PACRG: variants seen among roughly 807,000 people sequenced by gnomAD.
The protein encoded by PACRG is parkin coregulated gene protein.
PACRG carries 29 observed loss-of-function variants against 29.7 expected under a neutral mutation model. The ratio of observed to expected loss-of-function variants is 0.98; its 90% CI spans 0.73 to 1.33. The LOEUF is 1.33. PACRG is among the 40% of genes most tolerant of loss of function. The pLI, the probability that PACRG is intolerant of heterozygous loss-of-function variation, is 0.00. For synonymous variants in PACRG, 116 were observed against 118.7 expected (o/e 0.98, Z 0.15); for missense variants, 279 against 316.2 (o/e 0.88, Z 0.89).
At chr6:162,728,440 C>A (rs767340705) in intron 1 of PACRG, 49 bp downstream of exon 1, 11 of 1,590,154 alleles carry the variant, frequency 6.9e-6, no homozygotes, top group Non-Finnish European at 9.4e-6. Flanking sequence ...TCAGGGGACA[C>A]GAGATTTACA....
intron 2 of PACRG, among the ~76,000 whole-genome samples, chr6:163,032,670 A>T (rs762524309): frequency 6.6e-6 from 1 of 152,222 alleles, no homozygotes; most frequent in Non-Finnish European, 1.5e-5. Context: ...CCCAAAGAAA[A>T]CCAATCATTT....
At chr6:163,246,866 T>C (rs997672417) in intron 4 of PACRG, among the ~76,000 whole-genome samples, 1 of 152,180 alleles carries the variant, frequency 6.6e-6, no homozygotes, top group African/African-American at 2.4e-5. Flanking sequence ...AACATTATCA[T>C]GAGAAAGTAG....
intron 1 of PACRG, among the ~76,000 whole-genome samples, chr6:162,803,828 A>G (rs1786085423): frequency 6.6e-6 from 1 of 152,174 alleles, no homozygotes; most frequent in South Asian, 2.1e-4. Flanking sequence ...AATATTATCA[A>G]GATCATAAAA....
At chr6:163,108,663 A>G (rs1310354258) in intron 4 of PACRG, among the ~76,000 whole-genome samples, 1 of 152,144 alleles carries the variant, frequency 6.6e-6, no homozygotes, top group African/African-American at 2.4e-5. Context: ...TGCTGGGATT[A>G]TAGGCGTGAG....
intron 1 of PACRG, among the ~76,000 whole-genome samples, chr6:162,748,407 C>T (rs1424448634): frequency 6.6e-6 from 1 of 152,110 alleles, no homozygotes; most frequent in Non-Finnish European, 1.5e-5. Flanking sequence ...GCATGAGAAT[C>T]GCTTGAACCC....
At chr6:163,246,724 T>C in intron 4 of PACRG, among the ~76,000 whole-genome samples, 1 of 152,192 alleles carries the variant, frequency 6.6e-6, no homozygotes, top group East Asian at 1.9e-4. Flanking sequence ...TTTACACATA[T>C]TTATTTTTTC....
intron 2 of PACRG, among the ~76,000 whole-genome samples, chr6:162,982,364 G>A (rs1802510241): frequency 6.6e-6 from 1 of 151,614 alleles, no homozygotes; most frequent in Admixed American, 6.6e-5. Flanking sequence ...TTTTGTGTTT[G>A]TTTCTCTAGT....
chr6:162,955,965 ATGG>A (rs1296818408), intron 2 of PACRG, among the ~76,000 whole-genome samples: 12 of 152,014 alleles, frequency 7.9e-5, no homozygotes, highest in African/African-American at 2.7e-4. Flanking sequence ...GCCTGGCGAC[ATGG>A]TGGTGGTGGG....
chr6:163,292,573 G>T (rs372182663), intron 4 of PACRG, among the ~76,000 whole-genome samples: 14 of 59,732 alleles, frequency 2.3e-4, no homozygotes, highest in African/African-American at 8.2e-4. Context: ...GCTAATTTAT[G>T]TATTATTTAT....
intron 3 of PACRG, among the ~76,000 whole-genome samples, chr6:163,083,003 G>A (rs1192503999): frequency 1.3e-5 from 2 of 152,134 alleles, no homozygotes; most frequent in Non-Finnish European, 2.9e-5. Flanking sequence ...AAACTGCTCT[G>A]TAGAAAGGTT....
chr6:162,858,029 A>G (rs1466171215), intron 2 of PACRG, among the ~76,000 whole-genome samples: 1 of 152,210 alleles, frequency 6.6e-6, no homozygotes, highest in Admixed American at 6.5e-5. Flanking sequence ...TAGAAGCCAT[A>G]TTGGTATCAT....
At chr6:162,727,300 G>A, upstream of PACRG, 1 of 342,214 alleles carries the variant, frequency 2.9e-6, no homozygotes, top group Non-Finnish European at 5.3e-6. Context: ...AAGGTGAGGG[G>A]CGGCGGCGGG....
intron 4 of PACRG, among the ~76,000 whole-genome samples, chr6:163,298,528 C>T (rs1174628326): frequency 6.6e-6 from 1 of 152,172 alleles, no homozygotes; most frequent in East Asian, 1.9e-4. Context: ...GAAGCAGTAA[C>T]CTCACTTTTG....
chr6:163,005,600 G>C (rs576987934), intron 2 of PACRG, among the ~76,000 whole-genome samples: 84 of 151,526 alleles, frequency 5.5e-4, no homozygotes, highest in Admixed American at 2.2e-3. Context: ...TGTTACTAAT[G>C]CTCATTTAAT....
intron 2 of PACRG, chr6:163,044,620 A>C (rs991495649): frequency 6.6e-6 from 1 of 152,224 alleles, no homozygotes; most frequent in Non-Finnish European, 1.5e-5. Context: ...GAACTAGCTT[A>C]TGAAGAGAGA....
At chr6:163,313,794 CACT>C in intron 4 of PACRG, 1 of 152,370 alleles carries the variant, frequency 6.6e-6, no homozygotes, top group South Asian at 2.1e-4. Context: ...AGGCAGGACA[CACT>C]CATGACTTGC....
rs116124211 is a variant in PACRG at position 163,222,770 on chromosome 6, T to C, written c.614-92057T>C. On this transcript the variant is annotated intron_variant, in intron 4 of 4. Transcript: ENST00000366888. ...AATGTAGATTCTGCAGAACCCAATATTGACATCAGATAAATAAACAGTTAT... is the reference window on the plus strand; with the variant it reads ...AATGTAGATTCTGCAGAACCCAATACTGACATCAGATAAATAAACAGTTAT... Among the ~76,000 whole-genome samples, 341 of 152,284 alleles carry C rather than the reference T, an allele frequency of 2.2e-3. 2 individuals are homozygous for C. The highest frequency in any genetic ancestry group is 7.7e-3 in the African/African-American group (318 of 41,548).
chr6:163,200,711 C>T (rs563930159), intron 4 of PACRG, among the ~76,000 whole-genome samples: 1 of 152,272 alleles, frequency 6.6e-6, no homozygotes, highest in South Asian at 2.1e-4. Context: ...TACTAAAAAC[C>T]CTCAAGAGTT....
chr6:163,286,496 C>T (rs1784404760), intron 4 of PACRG, among the ~76,000 whole-genome samples: 1 of 152,160 alleles, frequency 6.6e-6, no homozygotes, highest in Non-Finnish European at 1.5e-5. Flanking sequence ...TTCTCAATCC[C>T]TTTCAAAGTG....
Sources: allele counts gnomAD v4.1 joint callset (sites outside exome capture counted in the v4.1 genomes callset), GRCh38; gene constraint gnomAD v4.1.1; transcripts MANE v1.5; gene names NCBI Gene and HGNC (gene_info 2026-07-23, HGNC 2026-07-21).